The following KCNQ3 variants were observed in gnomAD, a reference collection of about 807,000 sequenced individuals.
The protein encoded by KCNQ3 is potassium voltage-gated channel subfamily KQT member 3.
In KCNQ3, 30 loss-of-function variants were observed where a neutral mutation model predicts 92.5. The ratio of observed to expected loss-of-function variants is 0.32; its 90% CI spans 0.24 to 0.44. KCNQ3 has a LOEUF of 0.44. Ranked by LOEUF, KCNQ3 falls within the 20% of genes least tolerant of loss-of-function variation. The pLI is 1.00. For missense variants in KCNQ3, 913 were observed against 1,140.3 expected, an observed-to-expected ratio of 0.80 and a Z score of 2.87; for synonymous variants, 450 against 468.8, an observed-to-expected ratio of 0.96 and a Z score of 0.52.
rs138211026 is a variant in KCNQ3, at chr8:132,439,670, T to C, written c.386+40477A>G. ...CAGAGTGAGAGAGAGATTGTGCTGCTGGCTTTCATGATGGTAGAAGGAGCC... is the reference window on the plus strand; with the variant it reads ...CAGAGTGAGAGAGAGATTGTGCTGCCGGCTTTCATGATGGTAGAAGGAGCC... On this transcript the variant is annotated intron_variant, in intron 1 of 14. Coordinates refer to ENST00000388996, the MANE Select transcript of KCNQ3 (RefSeq NM_004519.4). 9.8e-4 allele frequency among the ~76,000 whole-genome samples: 149 copies of C among 152,178 alleles called. 3 individuals are homozygous for C. The highest frequency in any genetic ancestry group is 3.4e-3 in the Middle Eastern group (1 of 294).
At chr8:132,468,959 A>G (rs1455023911) in intron 1 of KCNQ3, among the ~76,000 whole-genome samples, 1 of 152,018 alleles carries the variant, frequency 6.6e-6, no homozygotes. Flanking sequence ...GCTTCAAACA[A>G]CTCTTCTATC....
intron 1 of KCNQ3, among the ~76,000 whole-genome samples, chr8:132,399,713 G>A (rs756015543): frequency 2.0e-5 from 3 of 152,124 alleles, no homozygotes; most frequent in Non-Finnish European, 2.9e-5. Context: ...GTTCTTACTC[G>A]ATGGTGAGAT....
chr8:132,338,745 GA>G (rs763088725), intron 1 of KCNQ3, among the ~76,000 whole-genome samples: 9 of 152,172 alleles, frequency 5.9e-5, no homozygotes, highest in Non-Finnish European at 1.2e-4. Context: ...TGCTGACACA[GA>G]AAAAATTAAG....
At chr8:132,176,900 T>C (rs1463868629) in intron 4 of KCNQ3, among the ~76,000 whole-genome samples, 2 of 152,238 alleles carry the variant, frequency 1.3e-5, no homozygotes, top group South Asian at 2.1e-4. Flanking sequence ...ACATACACAT[T>C]GTACGGGTGT....
intron 1 of KCNQ3, among the ~76,000 whole-genome samples, chr8:132,358,434 G>A (rs1264316239): frequency 6.6e-6 from 1 of 152,174 alleles, no homozygotes; most frequent in Non-Finnish European, 1.5e-5. Flanking sequence ...TTCAGCCACA[G>A]AATATCTAGA....
intron 1 of KCNQ3, among the ~76,000 whole-genome samples, chr8:132,339,200 A>AGAGC (rs1818450061): frequency 6.6e-6 from 1 of 152,348 alleles, no homozygotes; most frequent in East Asian, 1.9e-4. Flanking sequence ...GGGCTGGAAC[A>AGAGC]GAGCCAGGAG....
intron 1 of KCNQ3, among the ~76,000 whole-genome samples, chr8:132,221,869 A>C (rs1358702866): frequency 6.6e-6 from 1 of 152,230 alleles, no homozygotes; most frequent in Non-Finnish European, 1.5e-5. Flanking sequence ...CCATACGTAG[A>C]AAACTGAAAC....
chr8:132,156,762 T>C (rs1166599447), intron 9 of KCNQ3, among the ~76,000 whole-genome samples: 1 of 152,174 alleles, frequency 6.6e-6, no homozygotes. Flanking sequence ...CTTGGGAACA[T>C]GACTTTATTT....
At chr8:132,449,565 C>A (rs933856997) in intron 1 of KCNQ3, among the ~76,000 whole-genome samples, 2 of 152,148 alleles carry the variant, frequency 1.3e-5, no homozygotes, top group Non-Finnish European at 1.5e-5. Flanking sequence ...CAGGAAAACA[C>A]ATCTCTGATG....
At chr8:132,263,914 C>T (rs1456081940) in intron 1 of KCNQ3, among the ~76,000 whole-genome samples, 4 of 152,214 alleles carry the variant, frequency 2.6e-5, no homozygotes, top group Admixed American at 6.5e-5. Context: ...TTGTCTCACC[C>T]TGTGACCCCA....
intron 1 of KCNQ3, among the ~76,000 whole-genome samples, chr8:132,267,192 C>T (rs938236058): frequency 3.9e-5 from 6 of 152,248 alleles, no homozygotes; most frequent in East Asian, 3.9e-4. Context: ...AAAAAAGTGG[C>T]TATAATCCAT....
In KCNQ3 at chr8:132,406,870, A is replaced by G. The variant is rs935668478; in HGVS notation, c.386+73277T>C. ...TTAAAGTTCTAAAAAGGTGTGTACAATGGAAGAAAGGGGCCAAGACAATTT... is the reference window on the plus strand; with the variant it reads ...TTAAAGTTCTAAAAAGGTGTGTACAGTGGAAGAAAGGGGCCAAGACAATTT... On this transcript the variant is annotated intron_variant, in intron 1 of 14. Coordinates refer to ENST00000388996, the MANE Select transcript of KCNQ3 (RefSeq NM_004519.4). Among the ~76,000 whole-genome samples, 3 of 152,330 alleles carry G rather than the reference A, an allele frequency of 2.0e-5. No individual in the cohort carries two copies. The South Asian group carries it at 6.2e-4, about 32-fold the overall frequency.
chr8:132,321,608 T>C (rs1304037797), intron 1 of KCNQ3: 6 of 152,268 alleles, frequency 3.9e-5, no homozygotes, highest in African/African-American at 1.4e-4. Flanking sequence ...CTCTGAGTCA[T>C]ACGGGATAAA....
intron 1 of KCNQ3, among the ~76,000 whole-genome samples, chr8:132,478,088 C>T (rs1675303314): frequency 6.6e-6 from 1 of 152,156 alleles, no homozygotes; most frequent in African/African-American, 2.4e-5. Flanking sequence ...TATGCATTTG[C>T]ATATATAGTT....
intron 1 of KCNQ3, among the ~76,000 whole-genome samples, chr8:132,280,488 T>C (rs186732384): frequency 1.3e-5 from 2 of 152,198 alleles, no homozygotes; most frequent in Admixed American, 1.3e-4. Flanking sequence ...CAATCAGATC[T>C]CTTGAGAACT....
intron 6 of KCNQ3, 87 bp from the exon 7 acceptor site, chr8:132,172,780 G>A: frequency 1.1e-6 from 1 of 930,160 alleles, no homozygotes; most frequent in African/African-American, 1.6e-5. Context: ...GGGACTGTAG[G>A]GCTCAATTGC....
At chr8:132,175,123 C>A (rs1021387313) in intron 5 of KCNQ3, among the ~76,000 whole-genome samples, 2 of 152,344 alleles carry the variant, frequency 1.3e-5, no homozygotes, top group South Asian at 4.1e-4. Context: ...TCTGTGTGAG[C>A]ACACATGTGT....
At chr8:132,468,832 C>A (rs887340098) in intron 1 of KCNQ3, among the ~76,000 whole-genome samples, 1 of 152,126 alleles carries the variant, frequency 6.6e-6, no homozygotes, top group African/African-American at 2.4e-5. Context: ...CCAGAGCCCA[C>A]GTATGGGATA....
chr8:132,260,094 A>G (rs4736567), intron 1 of KCNQ3, among the ~76,000 whole-genome samples: 68,166 of 152,076 alleles, frequency 0.45, 17,371 homozygotes, highest in East Asian at 0.72. Context: ...CTACAGAGTC[A>G]ACATAATCAA....
Sources: allele counts gnomAD v4.1 joint callset (sites outside exome capture counted in the v4.1 genomes callset), GRCh38; gene constraint gnomAD v4.1.1; transcripts MANE v1.5; gene names NCBI Gene and HGNC (gene_info 2026-07-23, HGNC 2026-07-21).